Variants in RNF180 observed in about 807,000 individuals in gnomAD.
The protein encoded by RNF180 is ring finger protein 180, also known as E3 ubiquitin-protein ligase RNF180.
A neutral mutation model predicts 59.2 loss-of-function variants in RNF180; 38 were observed. The ratio of observed to expected loss-of-function variants is 0.64; its 90% CI spans 0.50 to 0.84. RNF180 has a LOEUF of 0.84. Ranked by LOEUF, RNF180 falls within the 40% of genes least tolerant of loss-of-function variation. RNF180 has a pLI of 0.00. For synonymous variants in RNF180, 262 were observed against 240.3 expected, an observed-to-expected ratio of 1.09 and a Z score of -0.84; for missense variants, 705 against 700.9, an observed-to-expected ratio of 1.01 and a Z score of -0.07.
intron 5 of RNF180, among the ~76,000 whole-genome samples, chr5:64,257,598 G>T (rs527324785): frequency 2.0e-5 from 3 of 152,188 alleles, no homozygotes; most frequent in East Asian, 1.9e-4. Context: ...TGCTGAATTC[G>T]GTTTGCCAGT....
intron 2 of RNF180, among the ~76,000 whole-genome samples, chr5:64,201,860 C>T (rs1751768987): frequency 6.6e-6 from 1 of 152,202 alleles, no homozygotes; most frequent in African/African-American, 2.4e-5. Context: ...CTGCCTCAGC[C>T]TCCCAAGTAG....
intron 5 of RNF180, among the ~76,000 whole-genome samples, chr5:64,298,889 C>T (rs1743025047): frequency 6.6e-6 from 1 of 151,956 alleles, no homozygotes; most frequent in Non-Finnish European, 1.5e-5. Context: ...GCTGCTATAG[C>T]TAAACTCCCT....
At chr5:64,206,434 C>T (rs1442925086) in intron 2 of RNF180, among the ~76,000 whole-genome samples, 1 of 152,116 alleles carries the variant, frequency 6.6e-6, no homozygotes, top group Non-Finnish European at 1.5e-5. Flanking sequence ...TATATACCTC[C>T]TCCCTCATGT....
chr5:64,304,265 C>T (rs1743321259), intron 5 of RNF180, among the ~76,000 whole-genome samples: 1 of 151,558 alleles, frequency 6.6e-6, no homozygotes, highest in East Asian at 1.9e-4. Context: ...ATTCTGCAGT[C>T]CATGGATCAA....
At chr5:64,343,643 G>A (rs1004424774) in intron 7 of RNF180, among the ~76,000 whole-genome samples, 4 of 151,572 alleles carry the variant, frequency 2.6e-5, no homozygotes, top group African/African-American at 7.3e-5. Context: ...CTTCCAAGAA[G>A]CAAGGATGAC....
chr5:64,265,793 G>A (rs1233673983), intron 5 of RNF180, among the ~76,000 whole-genome samples: 1 of 151,982 alleles, frequency 6.6e-6, no homozygotes, highest in Non-Finnish European at 1.5e-5. Context: ...GAATAGCATT[G>A]AATCTAAATT....
chr5:64,181,744 T>C (rs1029402689), intron 1 of RNF180, among the ~76,000 whole-genome samples: 1 of 152,252 alleles, frequency 6.6e-6, no homozygotes, highest in African/African-American at 2.4e-5. Flanking sequence ...CAGCCTGAAA[T>C]GAAACCTCTG....
chr5:64,241,601 C>T (rs1162637133), intron 5 of RNF180, among the ~76,000 whole-genome samples: 1 of 152,102 alleles, frequency 6.6e-6, no homozygotes, highest in East Asian at 1.9e-4. Flanking sequence ...AGGGTATGCT[C>T]AGTATTTGGC....
chr5:64,272,999 T>C (rs1455459316), intron 5 of RNF180, among the ~76,000 whole-genome samples: 1 of 151,884 alleles, frequency 6.6e-6, no homozygotes, highest in African/African-American at 2.4e-5. Flanking sequence ...GAAGTTTATC[T>C]GTATACAAAT....
At chr5:64,174,605 T>C (rs1373847487) in intron 1 of RNF180, among the ~76,000 whole-genome samples, 1 of 152,208 alleles carries the variant, frequency 6.6e-6, no homozygotes, top group African/African-American at 2.4e-5. Flanking sequence ...TGGCCATTTA[T>C]ATGTCTTCTT....
At chr5:64,286,899 A>G (rs1192111970) in intron 5 of RNF180, among the ~76,000 whole-genome samples, 3 of 152,212 alleles carry the variant, frequency 2.0e-5, no homozygotes, top group African/African-American at 7.2e-5. Flanking sequence ...ATAAAGGGCA[A>G]ACTGGAAGGG....
chr5:64,362,037 A>AT (rs1746274860), intron 7 of RNF180, among the ~76,000 whole-genome samples: 1 of 151,446 alleles, frequency 6.6e-6, no homozygotes, highest in African/African-American at 2.4e-5. Flanking sequence ...TTTAAAATTA[A>AT]TTTAATAAAT....
intron 6 of RNF180, among the ~76,000 whole-genome samples, chr5:64,325,887 C>T (rs1376143649): frequency 6.6e-6 from 1 of 152,014 alleles, no homozygotes; most frequent in Non-Finnish European, 1.5e-5. Flanking sequence ...TCTCCTTGAA[C>T]AGGAAAAAAG....
intron 2 of RNF180, among the ~76,000 whole-genome samples, chr5:64,203,462 C>T (rs991250231): frequency 1.3e-5 from 2 of 152,058 alleles, no homozygotes; most frequent in African/African-American, 4.8e-5. Context: ...AAAGTTTCCT[C>T]AGGCCTATTT....
Position 64,366,470 on chromosome 5 carries a change from G to A in RNF180, c.1580-3145G>A, listed in dbSNP as rs199991287. ...CCTTCTTACTAAATATTTTGTATTC[G>A]CTGGATTTGAATGTTGGCCTCTATA... On this transcript the variant is annotated intron_variant, in intron 7 of 7. Coordinates refer to ENST00000389100, the MANE Select transcript of RNF180 (RefSeq NM_001113561.2). 1.3e-4 allele frequency among the ~76,000 whole-genome samples: 20 copies of A among 151,350 alleles called. No homozygotes were observed. The East Asian group carries it at 2.7e-3, about 21-fold the overall frequency.
intron 2 of RNF180, among the ~76,000 whole-genome samples, chr5:64,210,668 T>C (rs2112102095): frequency 6.6e-6 from 1 of 152,264 alleles, no homozygotes; most frequent in Admixed American, 6.5e-5. Flanking sequence ...TGCTTATCCA[T>C]ATACAGACTT....
intron 5 of RNF180, among the ~76,000 whole-genome samples, chr5:64,245,801 C>T (rs895122590): frequency 6.6e-6 from 1 of 152,154 alleles, no homozygotes; most frequent in African/African-American, 2.4e-5. Flanking sequence ...CACCCCAGAT[C>T]AACAGAATAT....
chr5:64,291,560 GACA>G (rs1742588353), intron 5 of RNF180, among the ~76,000 whole-genome samples: 1 of 151,140 alleles, frequency 6.6e-6, no homozygotes, highest in Non-Finnish European at 1.5e-5. Flanking sequence ...GAGTAGCTGG[GACA>G]ACAAGTGCCC....
intron 1 of RNF180, among the ~76,000 whole-genome samples, chr5:64,168,981 A>T (rs953542247): frequency 5.9e-5 from 9 of 152,208 alleles, no homozygotes; most frequent in Non-Finnish European, 1.3e-4. Context: ...GAGTATTTTT[A>T]AAAGTCTGTT....
Sources: allele counts gnomAD v4.1 joint callset (sites outside exome capture counted in the v4.1 genomes callset), GRCh38; gene constraint gnomAD v4.1.1; transcripts MANE v1.5; gene names NCBI Gene and HGNC (gene_info 2026-07-23, HGNC 2026-07-21).